The following ERC1 variants were observed in gnomAD, a reference collection of about 807,000 sequenced individuals.
ERC1 encodes ELKS/RAB6-interacting/CAST family member 1, also known as RAB6 interacting protein 2.
Under a neutral mutation model 132.0 loss-of-function variants are expected in ERC1, and 56 were observed. The observed-to-expected ratio is 0.42, with a 90% CI of 0.34 to 0.53. The LOEUF is 0.53. ERC1 is among the 20% of genes least tolerant of loss of function. The probability of loss-of-function intolerance (pLI) is 0.03; values close to 1 mark genes in which losing one functional copy is unlikely to be tolerated. For missense variants in ERC1, 1,202 were observed against 1,349.9 expected (o/e 0.89, Z 1.72); for synonymous variants, 478 against 476.1 (o/e 1.00, Z -0.05).
At chr12:1,276,753 A>AT (rs2078303429) in intron 14 of ERC1, among the ~76,000 whole-genome samples, 1 of 152,174 alleles carries the variant, frequency 6.6e-6, no homozygotes, top group Non-Finnish European at 1.5e-5. Flanking sequence ...TTCAATGAAT[A>AT]TTTACTAAGT....
chr12:1,426,764 G>A (rs2092654318), intron 17 of ERC1, among the ~76,000 whole-genome samples: 1 of 152,022 alleles, frequency 6.6e-6, no homozygotes, highest in Non-Finnish European at 1.5e-5. Flanking sequence ...TTCTACCCCA[G>A]GTTGTCTTAC....
intron 17 of ERC1, among the ~76,000 whole-genome samples, chr12:1,416,953 CCTT>C (rs1428779325): frequency 1.3e-5 from 2 of 152,048 alleles, no homozygotes; most frequent in Admixed American, 1.3e-4. Context: ...CGTTCCCCTC[CCTT>C]CTTCACTTTC....
intron 15 of ERC1, among the ~76,000 whole-genome samples, chr12:1,330,959 T>C (rs1473815417): frequency 6.6e-6 from 1 of 152,242 alleles, no homozygotes; most frequent in Non-Finnish European, 1.5e-5. Context: ...TACTGTCCCC[T>C]GCTTATTTAG....
intron 2 of ERC1, among the ~76,000 whole-genome samples, chr12:1,065,153 A>T (rs1486743862): frequency 6.6e-6 from 1 of 152,216 alleles, no homozygotes; most frequent in East Asian, 1.9e-4. Flanking sequence ...GGTGTGCACC[A>T]TCACACCCAA....
At chr12:1,050,747 G>A (rs776569390) in intron 2 of ERC1, among the ~76,000 whole-genome samples, 37 of 152,114 alleles carry the variant, frequency 2.4e-4, no homozygotes, top group Non-Finnish European at 2.4e-4. Context: ...TAAGAAAAAG[G>A]TCAGGCCGAG....
chr12:1,202,871 G>A (rs1385670817), intron 12 of ERC1, among the ~76,000 whole-genome samples: 2 of 152,160 alleles, frequency 1.3e-5, no homozygotes, highest in African/African-American at 2.4e-5. Context: ...TTGACTTCCT[G>A]TGTCACAACC....
chr12:1,212,584 C>T (rs545058224), intron 12 of ERC1, among the ~76,000 whole-genome samples: 2 of 152,284 alleles, frequency 1.3e-5, no homozygotes, highest in East Asian at 3.9e-4. Flanking sequence ...GGGTCCTTGT[C>T]ACACAGCCAC....
intron 16 of ERC1, chr12:1,385,906 C>T (rs1436662112): frequency 6.6e-6 from 1 of 152,116 alleles, no homozygotes; most frequent in Non-Finnish European, 1.5e-5. Flanking sequence ...CTGAAATATC[C>T]TCCTTTTTAT....
At chr12:1,376,436 C>G (rs10848462) in intron 16 of ERC1, among the ~76,000 whole-genome samples, 61,647 of 151,992 alleles carry the variant, frequency 0.41, 13,755 homozygotes, top group African/African-American at 0.59. Flanking sequence ...GTATCCCCGA[C>G]TAGTATAACT....
chr12:992,798 A>G (rs1006290810), intron 1 of ERC1, among the ~76,000 whole-genome samples: 1 of 152,226 alleles, frequency 6.6e-6, no homozygotes, highest in African/African-American at 2.4e-5. Flanking sequence ...TTCAGAAAAC[A>G]GGTCCCATGA....
In ERC1 at chr12:1,494,764, G is replaced by A. The variant is rs2094345896; in HGVS notation, c.*4534G>A. 1 of 230,494 alleles carries A rather than the reference G, an allele frequency of 4.3e-6. No homozygotes were observed. Among genetic ancestry groups the A allele is most frequent in the Admixed American group, 5.7e-5 (1 of 17,668 alleles). 14.3% of individuals were successfully genotyped at this position (230,494 alleles called of 1,614,324 possible). A position where few individuals can be genotyped will look rare whatever the true frequency, so the allele number is the denominator to read the frequency against. On this transcript the variant is annotated 3_prime_UTR_variant, in exon 19 of 19. Transcript: ENST00000360905. ...GAATTGGGGCAGTTACATTGTGTCTGTTGTTGAGATTATTAAAAGATTAAA... is the reference window on the plus strand; with the variant it reads ...GAATTGGGGCAGTTACATTGTGTCTATTGTTGAGATTATTAAAAGATTAAA...
intron 2 of ERC1, among the ~76,000 whole-genome samples, chr12:1,031,074 A>G (rs1253452687): frequency 6.6e-6 from 1 of 152,242 alleles, no homozygotes; most frequent in Non-Finnish European, 1.5e-5. Context: ...CAGTCCAGAT[A>G]TTCAGATCTA....
At chr12:1,316,471 T>C (rs1248207206) in intron 15 of ERC1, among the ~76,000 whole-genome samples, 1 of 152,136 alleles carries the variant, frequency 6.6e-6, no homozygotes, top group Non-Finnish European at 1.5e-5. Flanking sequence ...TAATTATATA[T>C]TTTTATTATT....
In ERC1 at chr12:1,424,844, TGATAGATAGATAGATAGATCGATA is replaced by T. The variant is rs1273020303; in HGVS notation, c.3024+16617_3024+16640del. Among the ~76,000 whole-genome samples, 577 of 75,572 alleles carry T rather than the reference TGATAGATAGATAGATAGATCGATA, an allele frequency of 7.6e-3. 1 individual carries two copies. Among genetic ancestry groups the T allele is most frequent in the African/African-American group, 0.022 (437 of 19,854 alleles). The allele number at this position is 75,572 out of a possible 152,430, so 49.6% of individuals were successfully genotyped here. Reference sequence around the variant, plus strand: ...ATAGATAGATAGATAGATAGATAGATGATAGATAGATAGATAGATCGATAGATAGATAGATAGATAGATAGATAG... The same window carrying T: ...ATAGATAGATAGATAGATAGATAGATGATAGATAGATAGATAGATAGATAG... On this transcript the variant is annotated intron_variant, in intron 17 of 18. Coordinates refer to ENST00000360905, the MANE Select transcript of ERC1 (RefSeq NM_178040.4).
intron 2 of ERC1, among the ~76,000 whole-genome samples, chr12:1,075,936 A>T (rs1442321208): frequency 6.6e-6 from 1 of 152,012 alleles, no homozygotes; most frequent in African/African-American, 2.4e-5. Flanking sequence ...CAAAGTTCAA[A>T]CCTGTGTGGT....
rs907441878 is a variant in ERC1, at chr12:1,221,055, C to T, written c.2352-15714C>T. On this transcript the variant is annotated intron_variant, in intron 12 of 18. Coordinates refer to ENST00000360905, the MANE Select transcript of ERC1 (RefSeq NM_178040.4). ...TTATCTCCTTTCTTCTTTTATTTTT[C>T]CCATTGGACTTATCACTGTCTGACA... 2.0e-5 allele frequency among the ~76,000 whole-genome samples: 3 copies of T among 152,276 alleles called. 1 individual carries two copies. The highest frequency in any genetic ancestry group is 4.1e-4 in the South Asian group (2 of 4,824).
rs1592390350 is a variant in ERC1 at position 1,490,790 on chromosome 12, A to T, written c.*560A>T. 3.4e-5 allele frequency: 8 copies of T among 233,628 alleles called. No homozygotes were observed. The East Asian group carries it at 4.8e-4, about 14-fold the overall frequency. The allele number at this position is 233,628 out of a possible 1,614,324, so 14.5% of individuals were successfully genotyped here. A position where few individuals can be genotyped will look rare whatever the true frequency, so the allele number is the denominator to read the frequency against. Reference sequence around the variant, plus strand: ...ACTGTCTCTTCTGCTTACTTTCCACATGAGATGCTTTGTACCGGGGAGCTG... The same window carrying T: ...ACTGTCTCTTCTGCTTACTTTCCACTTGAGATGCTTTGTACCGGGGAGCTG... On this transcript the variant is annotated 3_prime_UTR_variant, in exon 19 of 19. Coordinates refer to ENST00000360905, the MANE Select transcript of ERC1 (RefSeq NM_178040.4).
At chr12:1,414,858 CTGTG>C (rs375722420) in intron 17 of ERC1, among the ~76,000 whole-genome samples, 3 of 151,548 alleles carry the variant, frequency 2.0e-5, no homozygotes, top group South Asian at 2.1e-4. Flanking sequence ...GTGTGTGTGT[CTGTG>C]TGTGTGTGTA....
At chr12:1,170,026 T>C (rs1226382879) in intron 8 of ERC1, among the ~76,000 whole-genome samples, 1 of 152,188 alleles carries the variant, frequency 6.6e-6, no homozygotes, top group Non-Finnish European at 1.5e-5. Flanking sequence ...GGCATTATCA[T>C]TAAAATTGTA....
Sources: allele counts gnomAD v4.1 joint callset (sites outside exome capture counted in the v4.1 genomes callset), GRCh38; gene constraint gnomAD v4.1.1; transcripts MANE v1.5; gene names NCBI Gene and HGNC (gene_info 2026-07-23, HGNC 2026-07-21).